The following STX8 variants were observed in gnomAD, a reference collection of about 807,000 sequenced individuals.
STX8 encodes the protein syntaxin 8.
STX8 carries 23 observed loss-of-function variants against 37.5 expected under a neutral mutation model. That is an observed-to-expected ratio of 0.61 (90% CI 0.44 to 0.87). The LOEUF is 0.87. Ranked by LOEUF, STX8 falls within the 40% of genes least tolerant of loss-of-function variation. The probability of loss-of-function intolerance (pLI) is 0.00; values close to 1 mark genes in which losing one functional copy is unlikely to be tolerated. For missense variants in STX8, 313 were observed against 284.7 expected, an observed-to-expected ratio of 1.10 and a Z score of -0.71; for synonymous variants, 115 against 99.1, an observed-to-expected ratio of 1.16 and a Z score of -0.95.
At chr17:9,355,829 T>G (rs1910863516) in intron 7 of STX8, among the ~76,000 whole-genome samples, 1 of 152,058 alleles carries the variant, frequency 6.6e-6, no homozygotes, top group Non-Finnish European at 1.5e-5. Context: ...TTTTAAAAAC[T>G]TTTGTAGAGA....
chr17:9,492,925 C>G (rs1906916869), intron 5 of STX8, among the ~76,000 whole-genome samples: 1 of 152,074 alleles, frequency 6.6e-6, no homozygotes, highest in Non-Finnish European at 1.5e-5. Flanking sequence ...GAAACCCCGT[C>G]TCTACTAAAA....
chr17:9,442,567 T>C (rs1036083302), intron 6 of STX8, among the ~76,000 whole-genome samples: 1 of 152,104 alleles, frequency 6.6e-6, no homozygotes, highest in Non-Finnish European at 1.5e-5. Flanking sequence ...CCACCACGCC[T>C]GGCTAATTTT....
chr17:9,309,430 G>A (rs992294795), intron 7 of STX8, among the ~76,000 whole-genome samples: 1 of 152,126 alleles, frequency 6.6e-6, no homozygotes, highest in Non-Finnish European at 1.5e-5. Context: ...AACAACCTGG[G>A]AGACTCATTT....
At chr17:9,506,504 G>A (rs994299670) in intron 4 of STX8, among the ~76,000 whole-genome samples, 1 of 148,042 alleles carries the variant, frequency 6.8e-6, no homozygotes, top group Admixed American at 7.1e-5. Flanking sequence ...GAACTGCAGT[G>A]GGGAAGTGGA....
intron 1 of STX8, among the ~76,000 whole-genome samples, chr17:9,569,177 G>A (rs1222973369): frequency 6.6e-6 from 1 of 152,204 alleles, no homozygotes; most frequent in African/African-American, 2.4e-5. Context: ...GCTGCACTGG[G>A]CACTGTTCTG....
intron 6 of STX8, among the ~76,000 whole-genome samples, chr17:9,431,431 TTG>T (rs1913974352): frequency 2.0e-5 from 2 of 99,536 alleles, no homozygotes; most frequent in Non-Finnish European, 5.2e-5. Flanking sequence ...AGGGTTTTTG[TTG>T]TTGTTGTTGT....
intron 7 of STX8, among the ~76,000 whole-genome samples, chr17:9,339,514 C>T (rs1386551249): frequency 1.3e-5 from 2 of 151,818 alleles, no homozygotes. Context: ...ATTAGCCAGG[C>T]GTCATGGCAG....
At chr17:9,430,605 T>C (rs1913921614) in intron 6 of STX8, among the ~76,000 whole-genome samples, 5 of 152,166 alleles carry the variant, frequency 3.3e-5, no homozygotes, top group Admixed American at 1.3e-4. Flanking sequence ...ACAACTTGTT[T>C]ACACATTCAT....
chr17:9,298,274 T>C (rs796828413), intron 7 of STX8, among the ~76,000 whole-genome samples: 24 of 152,264 alleles, frequency 1.6e-4, no homozygotes, highest in African/African-American at 4.3e-4. Flanking sequence ...TGTGAGCACA[T>C]GTGGAGCGTG....
intron 5 of STX8, among the ~76,000 whole-genome samples, chr17:9,498,067 A>G (rs1904471164): frequency 6.6e-6 from 1 of 152,142 alleles, no homozygotes; most frequent in African/African-American, 2.4e-5. Flanking sequence ...CTCTCCCTCA[A>G]TAAAGGAAGG....
chr17:9,293,439 G>A (rs1013474614), intron 7 of STX8, among the ~76,000 whole-genome samples: 1 of 151,764 alleles, frequency 6.6e-6, no homozygotes, highest in African/African-American at 2.4e-5. Context: ...CAGCTTATGA[G>A]GACCTCACAG....
chr17:9,336,685 C>T (rs755843652), intron 7 of STX8, among the ~76,000 whole-genome samples: 2 of 152,142 alleles, frequency 1.3e-5, no homozygotes, highest in African/African-American at 2.4e-5. Context: ...CCACCCACCT[C>T]GGCCTCCCAA....
At chr17:9,403,964 C>T (rs1357790398) in intron 6 of STX8, among the ~76,000 whole-genome samples, 1 of 152,048 alleles carries the variant, frequency 6.6e-6, no homozygotes, top group African/African-American at 2.4e-5. Flanking sequence ...ACTCTTTTGA[C>T]TCCCCCAAAA....
intron 6 of STX8, among the ~76,000 whole-genome samples, chr17:9,383,960 G>A (rs1256765147): frequency 6.6e-6 from 1 of 152,058 alleles, no homozygotes; most frequent in African/African-American, 2.4e-5. Flanking sequence ...AGAAATGAAA[G>A]AAGGCCTAAA....
chr17:9,277,288 C>T (rs931277841), intron 7 of STX8, among the ~76,000 whole-genome samples: 1 of 152,216 alleles, frequency 6.6e-6, no homozygotes, highest in Non-Finnish European at 1.5e-5. Flanking sequence ...ATGAGAGGAC[C>T]TGAAGTTCTC....
intron 6 of STX8, among the ~76,000 whole-genome samples, chr17:9,402,445 T>A (rs1912657843): frequency 6.6e-6 from 1 of 152,164 alleles, no homozygotes; most frequent in African/African-American, 2.4e-5. Context: ...TTAAATCATT[T>A]ACTAATATAT....
intron 4 of STX8, among the ~76,000 whole-genome samples, chr17:9,529,580 TC>T (rs990713787): frequency 1.8e-4 from 28 of 152,200 alleles, no homozygotes; most frequent in African/African-American, 6.3e-4. Flanking sequence ...AGTCACTACT[TC>T]CCCCAAAGGG....
intron 7 of STX8, among the ~76,000 whole-genome samples, chr17:9,320,229 A>T (rs1909530806): frequency 6.6e-6 from 1 of 151,304 alleles, no homozygotes; most frequent in African/African-American, 2.4e-5. Context: ...GCTACTGGGG[A>T]GGCTGAGGCA....
chr17:9,397,949 T>C (rs1050591648), intron 6 of STX8, among the ~76,000 whole-genome samples: 7 of 146,626 alleles, frequency 4.8e-5, no homozygotes, highest in African/African-American at 1.3e-4. Context: ...GATCACGCCA[T>C]TGCACTCCAG....
Sources: allele counts gnomAD v4.1 joint callset (sites outside exome capture counted in the v4.1 genomes callset), GRCh38; gene constraint gnomAD v4.1.1; transcripts MANE v1.5; gene names NCBI Gene and HGNC (gene_info 2026-07-23, HGNC 2026-07-21).